AGPAT5: variants seen among roughly 807,000 people sequenced by gnomAD.
AGPAT5 encodes 1-acyl-sn-glycerol-3-phosphate acyltransferase epsilon.
A neutral mutation model predicts 45.6 loss-of-function variants in AGPAT5; 46 were observed. That is an observed-to-expected ratio of 1.01 (90% CI 0.80 to 1.29). AGPAT5 has a LOEUF of 1.29. AGPAT5 is among the 50% of genes most tolerant of loss of function. The pLI, the probability that AGPAT5 is intolerant of heterozygous loss-of-function variation, is 0.00. For missense variants in AGPAT5, 673 were observed against 450.7 expected, an observed-to-expected ratio of 1.49 and a Z score of -4.47; for synonymous variants, 272 against 167.0, an observed-to-expected ratio of 1.63 and a Z score of -4.85.
intron 1 of AGPAT5, among the ~76,000 whole-genome samples, chr8:6,717,092 G>A (rs1267187596): frequency 6.6e-6 from 1 of 152,172 alleles, no homozygotes; most frequent in East Asian, 1.9e-4. Flanking sequence ...CAAAGTCAGA[G>A]AAGTTAAAAA....
intron 1 of AGPAT5, among the ~76,000 whole-genome samples, chr8:6,714,048 A>C (rs941275981): frequency 6.6e-6 from 1 of 152,190 alleles, no homozygotes; most frequent in African/African-American, 2.4e-5. Context: ...TGGAGAAGGG[A>C]GCTTATAAGT....
intron 2 of AGPAT5, among the ~76,000 whole-genome samples, chr8:6,728,025 C>T (rs1008121552): frequency 6.6e-6 from 1 of 152,152 alleles, no homozygotes; most frequent in Non-Finnish European, 1.5e-5. Context: ...ATTAGCATAG[C>T]GCTGGATCCA....
At chr8:6,744,833 C>T (rs1171495829) in intron 5 of AGPAT5, among the ~76,000 whole-genome samples, 1 of 152,200 alleles carries the variant, frequency 6.6e-6, no homozygotes, top group Admixed American at 6.5e-5. Context: ...CAGTGCTGGG[C>T]TGTTCTGTTC....
intron 1 of AGPAT5, among the ~76,000 whole-genome samples, chr8:6,720,621 C>G (rs1369135931): frequency 2.0e-5 from 3 of 152,202 alleles, no homozygotes; most frequent in African/African-American, 7.2e-5. Context: ...CTGTCTTTAT[C>G]TTCAGGAAGA....
intron 1 of AGPAT5, among the ~76,000 whole-genome samples, chr8:6,716,804 G>T (rs901550301): frequency 6.6e-6 from 1 of 152,212 alleles, no homozygotes; most frequent in Non-Finnish European, 1.5e-5. Context: ...TTGCACTCCA[G>T]ACTGGGCAAC....
chr8:6,754,043 G>T (rs992362931), intron 6 of AGPAT5, among the ~76,000 whole-genome samples: 1 of 152,132 alleles, frequency 6.6e-6, no homozygotes, highest in Non-Finnish European at 1.5e-5. Flanking sequence ...TTCAATTTGA[G>T]GCCAAAGGTC....
At chr8:6,753,381 G>A (rs772397927) in intron 6 of AGPAT5, among the ~76,000 whole-genome samples, 3 of 152,236 alleles carry the variant, frequency 2.0e-5, no homozygotes, top group Non-Finnish European at 2.9e-5. Context: ...AAATGTTGAG[G>A]TGGAGATCTA....
At chr8:6,751,156 A>C (rs923175633) in intron 6 of AGPAT5, among the ~76,000 whole-genome samples, 1 of 152,182 alleles carries the variant, frequency 6.6e-6, no homozygotes, top group Admixed American at 6.5e-5. Context: ...ATTATATGAC[A>C]TCTGATATAA....
At chr8:6,716,924 T>A (rs1800352545) in intron 1 of AGPAT5, among the ~76,000 whole-genome samples, 1 of 152,172 alleles carries the variant, frequency 6.6e-6, no homozygotes, top group Non-Finnish European at 1.5e-5. Flanking sequence ...TGTATATGAA[T>A]CTCACTTTTA....
At chr8:6,716,410 CACTT>C (rs1355255564) in intron 1 of AGPAT5, among the ~76,000 whole-genome samples, 1 of 151,950 alleles carries the variant, frequency 6.6e-6, no homozygotes, top group Non-Finnish European at 1.5e-5. Flanking sequence ...AAAATACAAA[CACTT>C]ACTGGGCATG....
chr8:6,716,129 A>G (rs889014956), intron 1 of AGPAT5, among the ~76,000 whole-genome samples: 8 of 152,236 alleles, frequency 5.3e-5, no homozygotes, highest in Admixed American at 2.6e-4. Flanking sequence ...ACTTTTATGT[A>G]ATATTAACAT....
At chr8:6,715,911 A>G (rs1242595730) in intron 1 of AGPAT5, among the ~76,000 whole-genome samples, 2 of 152,194 alleles carry the variant, frequency 1.3e-5, no homozygotes, top group Non-Finnish European at 2.9e-5. Flanking sequence ...AATTGATAAC[A>G]TAATAAACAT....
In AGPAT5 at chr8:6,713,121, A is replaced by G. The variant is rs115066665; in HGVS notation, c.219+4234A>G. ...GATCCTCCGGAGTAGCTGCCGTGCC[A>G]TTATTTCTAGCTAATTTTTAAAAGT... On this transcript the variant is annotated intron_variant, in intron 1 of 7. Coordinates refer to ENST00000285518, the MANE Select transcript of AGPAT5 (RefSeq NM_018361.5). 9.9e-3 allele frequency among the ~76,000 whole-genome samples: 1,508 copies of G among 152,226 alleles called. 19 individuals are homozygous for G. The highest frequency in any genetic ancestry group is 0.035 in the African/African-American group (1,452 of 41,528).
chr8:6,755,315 G>C (rs2980700), intron 7 of AGPAT5, 141 bp downstream of exon 7: 1 of 969,662 alleles, frequency 1.0e-6, no homozygotes, highest in Non-Finnish European at 1.5e-6. Context: ...ATGCATGTCT[G>C]ATCGTGTTTT....
chr8:6,732,534 C>T (rs1288752644), intron 3 of AGPAT5, 27 bp from the exon 4 acceptor site: 1 of 1,563,010 alleles, frequency 6.4e-7, no homozygotes, highest in East Asian at 2.3e-5. Context: ...AAAGTAAATG[C>T]TCTTTCTCCC....
rs142152512 is a variant in AGPAT5, at chr8:6,752,270, T to C, written c.746-2781T>C. 2.0e-5 allele frequency among the ~76,000 whole-genome samples: 3 copies of C among 152,310 alleles called. No homozygotes were observed. In the East Asian group the frequency reaches 5.8e-4, roughly 29 times the overall value. ...CACCTGTCCAGCGGTAACCCCAATTTGGATATTTTCCTTTAACAATTTGGA... is the reference window on the plus strand; with the variant it reads ...CACCTGTCCAGCGGTAACCCCAATTCGGATATTTTCCTTTAACAATTTGGA... On this transcript the variant is annotated intron_variant, in intron 6 of 7. Coordinates refer to ENST00000285518, the MANE Select transcript of AGPAT5 (RefSeq NM_018361.5).
intron 1 of AGPAT5, among the ~76,000 whole-genome samples, chr8:6,715,931 G>C (rs934912706): frequency 2.0e-5 from 3 of 152,280 alleles, no homozygotes; most frequent in Admixed American, 2.0e-4. Flanking sequence ...TGAGGAGTTT[G>C]AAGCATGGCA....
intron 2 of AGPAT5, among the ~76,000 whole-genome samples, chr8:6,725,677 C>A (rs1800660612): frequency 2.0e-5 from 3 of 152,152 alleles, no homozygotes; most frequent in Non-Finnish European, 4.4e-5. Context: ...CCAAAAAAAT[C>A]CCACTTCTTA....
rs1313607329 is a variant in AGPAT5, at chr8:6,760,206, A to G, written c.*2818A>G. On this transcript the variant is annotated 3_prime_UTR_variant, in exon 8 of 8. Coordinates refer to ENST00000285518, the MANE Select transcript of AGPAT5 (RefSeq NM_018361.5). ...GCCAAGTTCAAGACCAGCCTGGGCA[A>G]CATATCGAGAACCTGTCTACAAAAA... 6.6e-6 allele frequency among the ~76,000 whole-genome samples: 1 copy of G among 152,194 alleles called. No individual in the cohort carries two copies. Among genetic ancestry groups the G allele is most frequent in the African/African-American group, 2.4e-5 (1 of 41,442 alleles).
Sources: allele counts gnomAD v4.1 joint callset (sites outside exome capture counted in the v4.1 genomes callset), GRCh38; gene constraint gnomAD v4.1.1; transcripts MANE v1.5; gene names NCBI Gene and HGNC (gene_info 2026-07-23, HGNC 2026-07-21).